The following TENM1 variants were observed in gnomAD, a reference collection of about 807,000 sequenced individuals.
TENM1 encodes the protein teneurin-1.
In TENM1, 35 loss-of-function variants were observed where a neutral mutation model predicts 174.8. The ratio of observed to expected loss-of-function variants is 0.20; its 90% CI spans 0.15 to 0.27. The LOEUF is 0.27. Among genes scored for constraint, TENM1 ranks in the 10% least tolerant of loss-of-function variants. The pLI is 1.00. For missense variants in TENM1, 1,633 were observed against 2,130.1 expected (o/e 0.77, Z 4.59); for synonymous variants, 781 against 798.7 (o/e 0.98, Z 0.37).
At chrX:125,099,078 C>T in the TENM1 span, among the ~76,000 whole-genome samples, 1 of 112,377 alleles carries the variant, frequency 8.9e-6, no homozygotes, top group Non-Finnish European at 1.9e-5. Context: ...TCATTACTTC[C>T]TAAGTCACTG....
exon 30 of TENM1, chrX:124,384,792 C>G (rs888709445): frequency 1.7e-6 from 2 of 1,210,508 alleles, no homozygotes; most frequent in Non-Finnish European, 2.2e-6. Flanking sequence ...TAGCTGTAGT[C>G]GAACCGTGCA....
At chrX:125,163,846 G>C in the TENM1 span, among the ~76,000 whole-genome samples, 2 of 111,160 alleles carry the variant, frequency 1.8e-5, no homozygotes, top group Admixed American at 1.9e-4. Context: ...TGCTACTCTT[G>C]ATAACTTAAG....
chrX:124,720,851 C>T (rs999356311), intron 4 of TENM1, among the ~76,000 whole-genome samples: 3 of 111,655 alleles, frequency 2.7e-5, no homozygotes, highest in African/African-American at 9.8e-5. Context: ...GTTCTTCTTG[C>T]CTATAGGAAA....
At chrX:124,834,754 G>T (rs2056359577) in intron 3 of TENM1, among the ~76,000 whole-genome samples, 1 of 111,904 alleles carries the variant, frequency 8.9e-6, no homozygotes, top group Non-Finnish European at 1.9e-5. Flanking sequence ...GCTCACACTG[G>T]TGATGCAGCT....
intron 15 of TENM1, among the ~76,000 whole-genome samples, chrX:124,535,729 G>A (rs2048192563): frequency 8.9e-6 from 1 of 112,040 alleles, no homozygotes; most frequent in Admixed American, 9.5e-5. Flanking sequence ...TTTCTTCCCT[G>A]TGTCCTTCTC....
intron 10 of TENM1, among the ~76,000 whole-genome samples, chrX:124,643,829 A>G (rs1319031750): frequency 1.8e-5 from 2 of 109,364 alleles, no homozygotes; most frequent in Non-Finnish European, 3.8e-5. Context: ...TTTAAATTAG[A>G]GGGGTCTAAA....
Position 124,888,236 on chromosome X carries a change from A to G in TENM1, c.535+6060T>C, listed in dbSNP as rs781345540. ...CTGTGGTATGCAGTACAGAAGCAACAGGGAGCAGTACTAATGGATTTCTTG... is the reference window on the plus strand; with the variant it reads ...CTGTGGTATGCAGTACAGAAGCAACGGGGAGCAGTACTAATGGATTTCTTG... On this transcript the variant is annotated intron_variant, in intron 3 of 31. Transcript: ENST00000422452. 4.5e-5 allele frequency among the ~76,000 whole-genome samples: 5 copies of G among 111,792 alleles called. No individual in the cohort carries two copies. In the Admixed American group the frequency reaches 4.8e-4, roughly 11 times the overall value.
intron 3 of TENM1, among the ~76,000 whole-genome samples, chrX:124,821,156 A>T (rs1345734217): frequency 2.7e-5 from 3 of 112,529 alleles, no homozygotes; most frequent in African/African-American, 9.7e-5. Context: ...TGTACTTATC[A>T]TTTAGTTGAC....
chrX:124,706,233 T>C (rs1476343164), intron 4 of TENM1, among the ~76,000 whole-genome samples: 1 of 112,426 alleles, frequency 8.9e-6, no homozygotes, highest in East Asian at 2.8e-4. Context: ...TTGAAGTATG[T>C]TGCATACATC....
intron 11 of TENM1, among the ~76,000 whole-genome samples, chrX:124,596,194 G>C (rs1465582006): frequency 9.7e-6 from 1 of 103,542 alleles, no homozygotes; most frequent in African/African-American, 3.6e-5. Context: ...AGATTGCTCT[G>C]ATGGCTGACT....
the TENM1 span, among the ~76,000 whole-genome samples, chrX:125,112,275 T>A: frequency 9.2e-6 from 1 of 108,816 alleles, no homozygotes; most frequent in East Asian, 2.9e-4. Flanking sequence ...AGAGTTTTGA[T>A]AAATATTGGG....
chrX:124,953,734 G>T (rs769650266), intron 1 of TENM1, among the ~76,000 whole-genome samples: 1 of 111,809 alleles, frequency 8.9e-6, no homozygotes, highest in Non-Finnish European at 1.9e-5. Context: ...CAGGGAGTCA[G>T]TCTTTTCCTT....
At chrX:125,155,608 C>T in the TENM1 span, among the ~76,000 whole-genome samples, 1 of 112,268 alleles carries the variant, frequency 8.9e-6, no homozygotes, top group Non-Finnish European at 1.9e-5. Flanking sequence ...GCTGCAGGTC[C>T]CGAGCCCTGC....
At chrX:125,118,840 C>G in the TENM1 span, among the ~76,000 whole-genome samples, 1 of 111,657 alleles carries the variant, frequency 9.0e-6, no homozygotes, top group Non-Finnish European at 1.9e-5. Flanking sequence ...AAAGTAAATA[C>G]TGTATTATTC....
chrX:124,505,791 T>C (rs937154886), intron 18 of TENM1, among the ~76,000 whole-genome samples: 2 of 111,911 alleles, frequency 1.8e-5, no homozygotes, highest in Non-Finnish European at 3.8e-5. Flanking sequence ...GGGAGTTCAC[T>C]GACTTTCTGA....
At chrX:124,738,345 C>A (rs1050958927) in intron 3 of TENM1, among the ~76,000 whole-genome samples, 1 of 111,887 alleles carries the variant, frequency 8.9e-6, no homozygotes, top group Admixed American at 9.4e-5. Flanking sequence ...AAAAAAATCA[C>A]TTCTTTCAAT....
In TENM1 at chrX:124,660,651, G is replaced by A. The variant is rs574619297; in HGVS notation, c.1169-6868C>T. 3.6e-5 allele frequency among the ~76,000 whole-genome samples: 4 copies of A among 111,766 alleles called. No individual in the cohort carries two copies. In the South Asian group the frequency reaches 1.5e-3, roughly 42 times the overall value. On this transcript the variant is annotated intron_variant, in intron 6 of 31. Transcript: ENST00000422452. ...TAACATCATTATTCATCAGGGACAT[G>A]CAAATAAAAACCACAATGAGATACC...
At chrX:124,952,230 T>A (rs1281071681) in intron 1 of TENM1, among the ~76,000 whole-genome samples, 1 of 110,749 alleles carries the variant, frequency 9.0e-6, no homozygotes, top group Non-Finnish European at 1.9e-5. Flanking sequence ...TGCCTTTCCA[T>A]TATCATATAC....
intron 1 of TENM1, among the ~76,000 whole-genome samples, chrX:124,929,833 C>T (rs1350595304): frequency 2.7e-5 from 3 of 111,826 alleles, no homozygotes; most frequent in East Asian, 5.6e-4. Flanking sequence ...TAAAGAAGCA[C>T]TTTATTTTCT....
Sources: allele counts gnomAD v4.1 joint callset (sites outside exome capture counted in the v4.1 genomes callset), GRCh38; gene constraint gnomAD v4.1.1; transcripts MANE v1.5; gene names NCBI Gene and HGNC (gene_info 2026-07-23, HGNC 2026-07-21).